The following OOEP variants were observed in gnomAD, a reference collection of about 807,000 sequenced individuals.
OOEP encodes oocyte-expressed protein homolog.
OOEP carries 16 observed loss-of-function variants against 13.7 expected under a neutral mutation model. That is an observed-to-expected ratio of 1.16 (90% CI 0.79 to 1.77). The LOEUF is 1.77. OOEP is among the 40% of genes most tolerant of loss of function. The probability of loss-of-function intolerance (pLI) is 0.00; values close to 1 mark genes in which losing one functional copy is unlikely to be tolerated. For missense variants in OOEP, 195 were observed against 193.1 expected, an observed-to-expected ratio of 1.01 and a Z score of -0.06; for synonymous variants, 89 against 77.1, an observed-to-expected ratio of 1.15 and a Z score of -0.81.
At chr6:73,390,135 C>G (rs568473477) in intron 2 of OOEP, among the ~76,000 whole-genome samples, 2 of 151,850 alleles carry the variant, frequency 1.3e-5, no homozygotes, top group Non-Finnish European at 2.9e-5. Context: ...GCCCAGATCC[C>G]GCCACTGCAC....
upstream of OOEP, among the ~76,000 whole-genome samples, chr6:73,374,083 C>T (rs570837306): frequency 3.1e-4 from 47 of 151,880 alleles, no homozygotes; most frequent in Admixed American, 5.3e-4. Context: ...CCCAGCTACT[C>T]GGGAAGCTGA....
At chr6:73,371,275 G>T (rs148118170), upstream of OOEP, among the ~76,000 whole-genome samples, 5 of 152,196 alleles carry the variant, frequency 3.3e-5, no homozygotes, top group African/African-American at 4.8e-5. Flanking sequence ...AGGAAAACAA[G>T]ATTTAGCTAT....
At chr6:73,373,546 T>C (rs1006871577), upstream of OOEP, among the ~76,000 whole-genome samples, 5 of 152,026 alleles carry the variant, frequency 3.3e-5, no homozygotes, top group African/African-American at 1.2e-4. Context: ...CATGAGCCAC[T>C]GCAACTGGCC....
At chr6:73,388,293 T>G (rs1023477750) in intron 2 of OOEP, among the ~76,000 whole-genome samples, 13 of 116,964 alleles carry the variant, frequency 1.1e-4, no homozygotes, top group African/African-American at 4.2e-4. Flanking sequence ...TAACAAAAAA[T>G]TATATGTCTA....
chr6:73,368,768 C>T lies in OOEP; in HGVS notation c.*16G>A. 6.4e-7 allele frequency: 1 copy of T among 1,562,180 alleles called. No individual in the cohort carries two copies. The highest frequency in any genetic ancestry group is 8.8e-7 in the Non-Finnish European group (1 of 1,132,658). ...AGTTAGAAAGTTAAGATGTTCCCAA[C>T]AGTAACTATGTTGTCTTAAGCAACA... On this transcript the variant is annotated 3_prime_UTR_variant, in exon 3 of 3. Transcript: ENST00000370359.
chr6:73,394,917 C>T (rs768641284), exon 1 of OOEP: 2 of 1,614,184 alleles, frequency 1.2e-6, no homozygotes, highest in East Asian at 2.2e-5. Flanking sequence ...TGTCCCACCA[C>T]GGAGGAGCTC....
intron 2 of OOEP, among the ~76,000 whole-genome samples, chr6:73,379,405 A>C (rs993312108): frequency 2.6e-5 from 4 of 151,166 alleles, no homozygotes; most frequent in Non-Finnish European, 5.9e-5. Flanking sequence ...AGCACTTTGG[A>C]GGCCAAGGCG....
intron 2 of OOEP, among the ~76,000 whole-genome samples, chr6:73,385,122 A>G (rs576063311): frequency 4.0e-5 from 6 of 151,668 alleles, no homozygotes; most frequent in East Asian, 2.0e-4. Context: ...CAAGGTGGGC[A>G]GATCACTAGG....
Position 73,394,489 on chromosome 6 carries a change from CTATT to C in OOEP, c.-118-5_-118-2del. The C allele has an allele frequency of 3.1e-6, 2 of 635,260 alleles. No homozygotes were observed. The highest frequency in any genetic ancestry group is 5.6e-6 in the Non-Finnish European group (2 of 358,006). 39.4% of individuals were successfully genotyped at this position (635,260 alleles called of 1,614,324 possible). On this transcript the variant is annotated splice_acceptor_variant and splice_polypyrimidine_tract_variant and intron_variant, in intron 1 of 3. Transcript: ENST00000370363. LOFTEE classifies it low-confidence loss of function (5UTR_SPLICE). The stretch of plus-strand genomic sequence containing the variant: ...TGGGCAACACGGCGACACCCCGTCT[CTATT>C]TAAAAAGAAAAAAAAAAGTTTCCAA...
intron 2 of OOEP, among the ~76,000 whole-genome samples, chr6:73,388,870 G>A (rs996872852): frequency 3.9e-5 from 6 of 152,162 alleles, no homozygotes; most frequent in Non-Finnish European, 1.5e-5. Flanking sequence ...CAAGGGTGCG[G>A]TGTTTGCTGC....
At chr6:73,394,638 C>T in intron 1 of OOEP, 1 of 543,062 alleles carries the variant, frequency 1.8e-6, no homozygotes, top group Non-Finnish European at 3.3e-6. Flanking sequence ...GGGCGGGGCA[C>T]ATCGACTACT....
chr6:73,386,549 C>G (rs1439028107), intron 2 of OOEP, among the ~76,000 whole-genome samples: 3 of 152,112 alleles, frequency 2.0e-5, no homozygotes, highest in Non-Finnish European at 4.4e-5. Flanking sequence ...AATTTGAAAA[C>G]TACAAAACCT....
Position 73,369,330 on chromosome 6 carries a change from T to C in OOEP, c.246A>G (p.Thr82=). The part of the protein sequence containing the change: ...EMEWTSQALL[T]VDIVDSGNLV... ...GGTTCCCTGAGTCCACTATGTCCAC[T>C]GTCAGCAGGGCCTGGCTCGTCCACT... is the stretch of plus-strand genomic sequence containing the variant. Residue 82 remains threonine (T), a synonymous_variant, in exon 2 of 3, where the codon ACA becomes ACG. Transcript: ENST00000370359. The C allele has an allele frequency of 6.2e-7, 1 of 1,613,770 alleles. No homozygotes were observed. The highest frequency in any genetic ancestry group is 1.1e-5 in the South Asian group (1 of 91,058).
At chr6:73,389,954 C>T (rs1353809398) in intron 2 of OOEP, among the ~76,000 whole-genome samples, 2 of 152,144 alleles carry the variant, frequency 1.3e-5, no homozygotes, top group African/African-American at 2.4e-5. Context: ...ATCCGCCGGG[C>T]GCAGATCACT....
chr6:73,372,908 CT>C (rs371058661), upstream of OOEP, among the ~76,000 whole-genome samples: 4,531 of 134,510 alleles, frequency 0.034, 149 homozygotes, highest in African/African-American at 0.089. Flanking sequence ...TTTTTCTTTC[CT>C]TTTTTTTTTT....
At chr6:73,375,015 C>T (rs539918118) in intron 2 of OOEP, among the ~76,000 whole-genome samples, 22 of 151,976 alleles carry the variant, frequency 1.4e-4, no homozygotes, top group African/African-American at 5.3e-4. Flanking sequence ...TTAGTAGAGA[C>T]GGGGTTTCGC....
intron 2 of OOEP, among the ~76,000 whole-genome samples, chr6:73,381,360 T>C (rs1305293349): frequency 6.6e-6 from 1 of 152,120 alleles, no homozygotes; most frequent in Non-Finnish European, 1.5e-5. Flanking sequence ...GGCTGAGTCT[T>C]TGAGGTATGC....
intron 2 of OOEP, among the ~76,000 whole-genome samples, chr6:73,385,157 T>C (rs779778650): frequency 2.0e-5 from 3 of 151,526 alleles, no homozygotes; most frequent in South Asian, 2.1e-4. Flanking sequence ...CCATCCTGGC[T>C]AACATGGTGA....
intron 2 of OOEP, among the ~76,000 whole-genome samples, chr6:73,388,894 A>T (rs910275189): frequency 6.6e-6 from 1 of 151,338 alleles, no homozygotes; most frequent in Non-Finnish European, 1.5e-5. Flanking sequence ...CTTGTGGGAG[A>T]GTGTGGCTCC....
Sources: allele counts gnomAD v4.1 joint callset (sites outside exome capture counted in the v4.1 genomes callset), GRCh38; gene constraint gnomAD v4.1.1; transcripts MANE v1.5; gene names NCBI Gene and HGNC (gene_info 2026-07-23, HGNC 2026-07-21).